The following DYNLL1 variants were observed in gnomAD, a reference collection of about 807,000 sequenced individuals.
DYNLL1 encodes the protein dynein light chain 1, cytoplasmic.
Under a neutral mutation model 10.1 loss-of-function variants are expected in DYNLL1, and 3 were observed. The ratio of observed to expected loss-of-function variants is 0.30; its 90% CI spans 0.14 to 0.77. The LOEUF is 0.77. Ranked by LOEUF, DYNLL1 falls within the 30% of genes least tolerant of loss-of-function variation. The probability of loss-of-function intolerance (pLI) is 0.66; values close to 1 mark genes in which losing one functional copy is unlikely to be tolerated. For synonymous variants in DYNLL1, 46 were observed against 41.2 expected, an observed-to-expected ratio of 1.12 and a Z score of -0.45; for missense variants, 47 against 111.7, an observed-to-expected ratio of 0.42 and a Z score of 2.61.
chr12:120,471,796 A>G (rs1878658008), intron 1 of DYNLL1, among the ~76,000 whole-genome samples: 1 of 152,040 alleles, frequency 6.6e-6, no homozygotes, highest in South Asian at 2.1e-4. Flanking sequence ...TATTTTTAGT[A>G]GAGACAGGGT....
intron 2 of DYNLL1, 176 bp from the exon 3 acceptor site, chr12:120,497,897 A>G (rs1035612524): frequency 2.8e-5 from 17 of 616,756 alleles, no homozygotes; most frequent in Non-Finnish European, 3.9e-5. Flanking sequence ...GACTGCAAGT[A>G]TGTTTGTATT....
chr12:120,474,162 T>C (rs1007001128), intron 1 of DYNLL1, among the ~76,000 whole-genome samples: 1 of 151,858 alleles, frequency 6.6e-6, no homozygotes, highest in Non-Finnish European at 1.5e-5. Flanking sequence ...TAGCTGGGCA[T>C]GGTGGCACAC....
rs143074803 is a variant in DYNLL1, at chr12:120,476,203, A to C, written c.-7+6099A>C. On this transcript the variant is annotated intron_variant, in intron 1 of 2. Coordinates refer to the DYNLL1 transcript ENST00000392509. ...ATTTTTTTAGACCCAAGTCAGTTTT[A>C]TACTAAGCAGATTTTTAATGAACTG... Among the ~76,000 whole-genome samples the C allele has an allele frequency of 7.9e-5, 12 of 152,306 alleles. No individual in the cohort carries two copies. The East Asian group carries it at 1.7e-3, about 22-fold the overall frequency.
intron 1 of DYNLL1, among the ~76,000 whole-genome samples, chr12:120,471,357 C>A (rs1878646832): frequency 6.6e-6 from 1 of 151,978 alleles, no homozygotes; most frequent in Non-Finnish European, 1.5e-5. Context: ...GCCTGGGTGA[C>A]AGAGGGAGAC....
intron 1 of DYNLL1, among the ~76,000 whole-genome samples, chr12:120,476,614 T>C (rs1878758160): frequency 6.6e-6 from 1 of 152,132 alleles, no homozygotes; most frequent in African/African-American, 2.4e-5. Context: ...TGGGGGGTTT[T>C]TTTGTTTGTT....
At chr12:120,489,514 A>G (rs1434478731) in intron 1 of DYNLL1, among the ~76,000 whole-genome samples, 2 of 152,070 alleles carry the variant, frequency 1.3e-5, no homozygotes, top group Non-Finnish European at 2.9e-5. Flanking sequence ...TCTCTGCCCT[A>G]TCTCTGCTAC....
chr12:120,482,482 CCGG>C (rs995560368), intron 1 of DYNLL1, among the ~76,000 whole-genome samples: 2 of 152,036 alleles, frequency 1.3e-5, no homozygotes, highest in African/African-American at 4.8e-5. Context: ...GCCACCGTGC[CCGG>C]CTAATTTTTT....
intron 1 of DYNLL1, among the ~76,000 whole-genome samples, chr12:120,474,895 C>T (rs1211389270): frequency 6.6e-6 from 1 of 152,178 alleles, no homozygotes; most frequent in South Asian, 2.1e-4. Flanking sequence ...CTCTGTCATT[C>T]TCTACCACTG....
exon 1 of DYNLL1, chr12:120,469,977 C>T (rs1878605974): frequency 1.2e-5 from 2 of 165,980 alleles, no homozygotes; most frequent in African/African-American, 4.8e-5. Flanking sequence ...CGCCGCCTAC[C>T]TCACAGACTT....
chr12:120,470,189 G>C (rs1878613058), intron 1 of DYNLL1: 1 of 152,504 alleles, frequency 6.6e-6, no homozygotes. Flanking sequence ...TCCATAGCTT[G>C]GCCTTGAGTT....
upstream of DYNLL1, among the ~76,000 whole-genome samples, chr12:120,494,761 T>C (rs1487150103): frequency 1.3e-5 from 2 of 152,116 alleles, no homozygotes; most frequent in African/African-American, 2.4e-5. Context: ...CAGCCACAAA[T>C]TGTTTTAAGG....
At chr12:120,496,027 A>C, upstream of DYNLL1, 1 of 337,592 alleles carries the variant, frequency 3.0e-6, no homozygotes, top group Non-Finnish European at 5.6e-6. Context: ...GCGTCAAGCC[A>C]ATAGGGTCGC....
Position 120,476,953 on chromosome 12 carries a change from G to A in DYNLL1, c.-7+6849G>A, listed in dbSNP as rs539867118. ...TTTTTTTTGTTTTTTTTTTTGAGAC[G>A]GAGTCTCGCTCTGTTGCCCAGGCTG... On this transcript the variant is annotated intron_variant, in intron 1 of 2. Transcript: ENST00000392509. Among the ~76,000 whole-genome samples the A allele has an allele frequency of 6.1e-5, 9 of 146,932 alleles. No individual in the cohort carries two copies. The South Asian group carries it at 1.3e-3, about 21-fold the overall frequency.
chr12:120,488,844 C>T (rs1001500125), intron 1 of DYNLL1, among the ~76,000 whole-genome samples: 2 of 151,950 alleles, frequency 1.3e-5, no homozygotes, highest in African/African-American at 4.8e-5. Context: ...ACCCAGGAGG[C>T]GGAGGTTGTG....
chr12:120,495,148 A>G (rs1879233219), upstream of DYNLL1: 2 of 152,154 alleles, frequency 1.3e-5, no homozygotes, highest in Admixed American at 1.3e-4. Context: ...AACTCCCCCA[A>G]GATCTTGCTT....
upstream of DYNLL1, among the ~76,000 whole-genome samples, chr12:120,493,598 ATTATTTT>A (rs993724320): frequency 1.8e-4 from 27 of 151,368 alleles, no homozygotes; most frequent in South Asian, 1.7e-3. Flanking sequence ...TATATACAGT[ATTATTTT>A]TTATTTTTTA....
intron 1 of DYNLL1, among the ~76,000 whole-genome samples, chr12:120,476,975 G>T (rs376430978): frequency 2.5e-4 from 38 of 151,782 alleles, no homozygotes; most frequent in Middle Eastern, 3.4e-3. Flanking sequence ...TGTTGCCCAG[G>T]CTGGAGTGCA....
chr12:120,485,400 C>T (rs1878971666), intron 1 of DYNLL1, among the ~76,000 whole-genome samples: 1 of 151,766 alleles, frequency 6.6e-6, no homozygotes. Context: ...AGATTACAGG[C>T]GCCCACCACC....
intron 1 of DYNLL1, among the ~76,000 whole-genome samples, chr12:120,478,114 G>T (rs1384260412): frequency 4.4e-5 from 6 of 136,734 alleles, no homozygotes; most frequent in South Asian, 2.3e-4. Flanking sequence ...TTTTGTTGTT[G>T]TTTTTTTTTT....
Sources: gnomAD v4.1 joint callset for allele counts (sites outside exome capture counted in the v4.1 genomes callset) on GRCh38, gnomAD v4.1.1 for gene constraint, MANE v1.5 for transcripts, NCBI Gene and HGNC (gene_info 2026-07-23, HGNC 2026-07-21) for gene names.